PRKCH: variants seen among roughly 807,000 people sequenced by gnomAD.
The protein encoded by PRKCH is protein kinase C eta type.
In PRKCH, 28 loss-of-function variants were observed where a neutral mutation model predicts 82.5. The observed-to-expected ratio is 0.34, with a 90% CI of 0.25 to 0.47. PRKCH has a LOEUF of 0.47. Among genes scored for constraint, PRKCH ranks in the 20% least tolerant of loss-of-function variants. The pLI, the probability that PRKCH is intolerant of heterozygous loss-of-function variation, is 1.00. For missense variants in PRKCH, 705 were observed against 881.8 expected (o/e 0.80, Z 2.54); for synonymous variants, 322 against 327.4 (o/e 0.98, Z 0.18).
intron 1 of PRKCH, among the ~76,000 whole-genome samples, chr14:61,261,678 T>TA (rs1313659617): frequency 3.9e-5 from 6 of 152,074 alleles, no homozygotes; most frequent in Admixed American, 6.6e-5. Flanking sequence ...CTTTTTTTTT[T>TA]AATTTATTTT....
intron 2 of PRKCH, among the ~76,000 whole-genome samples, chr14:61,438,176 C>A (rs2140270314): frequency 6.6e-6 from 1 of 152,272 alleles, no homozygotes; most frequent in South Asian, 2.1e-4. Context: ...AAGAAGCCGT[C>A]TGCACACCCC....
chr14:61,198,856 T>C (rs1310276135), intron 1 of PRKCH, among the ~76,000 whole-genome samples: 1 of 152,190 alleles, frequency 6.6e-6, no homozygotes, highest in African/African-American at 2.4e-5. Flanking sequence ...ATTTTCACTA[T>C]CATCTTATAT....
In PRKCH at chr14:61,550,735, CG is replaced by C. The variant is rs1474199993; in HGVS notation, c.*905del. 9.2e-5 allele frequency: 14 copies of C among 152,412 alleles called. No homozygotes were observed. Among genetic ancestry groups the C allele is most frequent in the African/African-American group, 3.4e-4 (14 of 41,556 alleles). 9.4% of individuals were successfully genotyped at this position (152,412 alleles called of 1,614,324 possible). On this transcript the variant is annotated 3_prime_UTR_variant, in exon 14 of 14. Coordinates refer to ENST00000332981, the MANE Select transcript of PRKCH (RefSeq NM_006255.5). The stretch of plus-strand genomic sequence containing the variant: ...CTGGGTAATCTGATCTTGTCTGTAT[CG>C]CCGTGTGCTCATCACTGAAGAATTG...
intron 1 of PRKCH, chr14:61,327,329 C>G (rs555650494): frequency 3.1e-6 from 1 of 327,248 alleles, no homozygotes; most frequent in East Asian, 8.1e-5. Context: ...GTGGTTCATT[C>G]TCTTTTGTAC....
At chr14:61,446,251 G>GT (rs1401022107) in intron 4 of PRKCH, among the ~76,000 whole-genome samples, 2 of 151,204 alleles carry the variant, frequency 1.3e-5, no homozygotes, top group African/African-American at 4.9e-5. Flanking sequence ...GTTATATTTA[G>GT]TTTTCACAAT....
At chr14:61,284,575 T>C (rs1022498528) in intron 1 of PRKCH, among the ~76,000 whole-genome samples, 5 of 152,204 alleles carry the variant, frequency 3.3e-5, no homozygotes, top group Non-Finnish European at 4.4e-5. Context: ...GGTGGAAGAC[T>C]GATATAGATA....
Position 61,353,502 on chromosome 14 carries a change from G to A in PRKCH, c.363+31038G>A, listed in dbSNP as rs563998069. 7.9e-5 allele frequency: 12 copies of A among 152,228 alleles called. No individual in the cohort carries two copies. In the East Asian group the frequency reaches 1.5e-3, roughly 20 times the overall value. The allele number at this position is 152,228 out of a possible 1,614,324, so 9.4% of individuals were successfully genotyped here. A position where few individuals can be genotyped will look rare whatever the true frequency, so the allele number is the denominator to read the frequency against. ...AATTTTTTGTAGGTGATAGTATTGGGAAAAACGAAAAGGAATATGTGATCG... is the reference window on the plus strand; with the variant it reads ...AATTTTTTGTAGGTGATAGTATTGGAAAAAACGAAAAGGAATATGTGATCG... On this transcript the variant is annotated intron_variant, in intron 1 of 13. Transcript: ENST00000332981.
chr14:61,501,453 A>G (rs1039171148), intron 10 of PRKCH, among the ~76,000 whole-genome samples: 1 of 152,138 alleles, frequency 6.6e-6, no homozygotes, highest in Non-Finnish European at 1.5e-5. Context: ...ATTAAAAAAA[A>G]AAGCAGTAGC....
At chr14:61,200,013 A>C (rs962868162) in intron 1 of PRKCH, among the ~76,000 whole-genome samples, 2 of 152,228 alleles carry the variant, frequency 1.3e-5, no homozygotes, top group Admixed American at 1.3e-4. Context: ...CATATCTGGT[A>C]TATTAAAAAT....
chr14:61,326,461 C>A (rs1302188134), intron 1 of PRKCH, among the ~76,000 whole-genome samples: 1 of 152,086 alleles, frequency 6.6e-6, no homozygotes, highest in Non-Finnish European at 1.5e-5. Flanking sequence ...ACAAAGGAGG[C>A]AGAAACTTTT....
chr14:61,481,274 G>A (rs1885958183), intron 9 of PRKCH, among the ~76,000 whole-genome samples: 1 of 152,186 alleles, frequency 6.6e-6, no homozygotes, highest in African/African-American at 2.4e-5. Context: ...TCTGCAAGCT[G>A]TAGTAGATGT....
chr14:61,199,882 A>G (rs958264128), intron 1 of PRKCH, among the ~76,000 whole-genome samples: 4 of 152,186 alleles, frequency 2.6e-5, no homozygotes, highest in African/African-American at 9.7e-5. Context: ...CCATCCCCCA[A>G]TTTTGATTTT....
chr14:61,196,458 C>G (rs1483617063), intron 1 of PRKCH, among the ~76,000 whole-genome samples: 1 of 152,116 alleles, frequency 6.6e-6, no homozygotes, highest in Non-Finnish European at 1.5e-5. Flanking sequence ...TGCAACAGCT[C>G]TCATCTGAAG....
chr14:61,486,512 T>C (rs1349157618), intron 10 of PRKCH, among the ~76,000 whole-genome samples: 2 of 152,210 alleles, frequency 1.3e-5, no homozygotes, highest in African/African-American at 4.8e-5. Context: ...AGATATCAAA[T>C]GTAACTTTAG....
intron 1 of PRKCH, among the ~76,000 whole-genome samples, chr14:61,361,686 T>C (rs1242773103): frequency 6.6e-6 from 1 of 152,212 alleles, no homozygotes; most frequent in Non-Finnish European, 1.5e-5. Context: ...AACTTCTGAA[T>C]GTTAATTTCT....
chr14:61,469,251 A>T (rs2140309579), intron 9 of PRKCH, among the ~76,000 whole-genome samples: 1 of 152,354 alleles, frequency 6.6e-6, no homozygotes, highest in South Asian at 2.1e-4. Context: ...ACAGTTTTTT[A>T]AAAACTCATT....
chr14:61,529,913 A>AAATAT lies in PRKCH; in HGVS notation c.1573-493_1573-492insATATA, dbSNP rs1555396321. Reference sequence around the variant, plus strand: ...TAAAACTTAAAGTATAATAAAAAAAAATATATATATATATGTAAACTTTGC... The same window carrying AAATAT: ...TAAAACTTAAAGTATAATAAAAAAAAAATATATATATATATATATGTAAACTTTGC... On this transcript the variant is annotated intron_variant, in intron 11 of 13. Transcript: ENST00000332981. Among the ~76,000 whole-genome samples the AAATAT allele has an allele frequency of 1.3e-3, 165 of 125,694 alleles. 1 individual carries two copies. The highest frequency in any genetic ancestry group is 9.3e-3 in the Middle Eastern group (2 of 214). The allele number at this position is 125,694 out of a possible 152,430, so 82.5% of individuals were successfully genotyped here.
intron 1 of PRKCH, among the ~76,000 whole-genome samples, chr14:61,188,476 G>C (rs930664626): frequency 1.3e-5 from 2 of 151,918 alleles, no homozygotes; most frequent in South Asian, 2.1e-4. Flanking sequence ...CGGGCAGGCG[G>C]CCTTGTGGCT....
At chr14:61,296,171 G>A (rs1238937631) in intron 1 of PRKCH, among the ~76,000 whole-genome samples, 3 of 152,134 alleles carry the variant, frequency 2.0e-5, no homozygotes, top group Non-Finnish European at 4.4e-5. Context: ...TTTTCAAATA[G>A]AGCAGGATAT....
Sources: gnomAD v4.1 joint callset for allele counts (sites outside exome capture counted in the v4.1 genomes callset) on GRCh38, gnomAD v4.1.1 for gene constraint, MANE v1.5 for transcripts, NCBI Gene and HGNC (gene_info 2026-07-23, HGNC 2026-07-21) for gene names.